PTPRD: variants seen among roughly 807,000 people sequenced by gnomAD.
PTPRD encodes protein tyrosine phosphatase receptor type D, also known as receptor-type tyrosine-protein phosphatase delta.
In PTPRD, 34 loss-of-function variants were observed where a neutral mutation model predicts 214.5. That is an observed-to-expected ratio of 0.16 (90% CI 0.12 to 0.21). The LOEUF is 0.21. PTPRD is among the 10% of genes least tolerant of loss of function. The pLI is 1.00. For synonymous variants in PTPRD, 1,128 were observed against 845.7 expected, an observed-to-expected ratio of 1.33 and a Z score of -5.79; for missense variants, 2,545 against 2,398.7, an observed-to-expected ratio of 1.06 and a Z score of -1.27.
rs1256217482 is a variant in PTPRD, at chr9:8,408,701, A to G, written c.4087-4041T>C. Among the ~76,000 whole-genome samples, 4 of 152,128 alleles carry G rather than the reference A, an allele frequency of 2.6e-5. No individual in the cohort carries two copies. In the East Asian group the frequency reaches 7.7e-4, roughly 29 times the overall value. ...TTGGATGAACCCCATATAGCGTCTA[A>G]AGTTTTACCAAGATGCCGCACCATT... On this transcript the variant is annotated intron_variant, in intron 35 of 45. Coordinates refer to ENST00000381196, the MANE Select transcript of PTPRD (RefSeq NM_002839.4).
In PTPRD at chr9:10,534,104, A is replaced by T. The variant is rs574745049; in HGVS notation, c.-600+78294T>A. Among the ~76,000 whole-genome samples, 6 of 152,030 alleles carry T rather than the reference A, an allele frequency of 3.9e-5. No individual in the cohort carries two copies. In the South Asian group the frequency reaches 1.2e-3, roughly 32 times the overall value. Reference sequence around the variant, plus strand: ...TAAGAAGAGTTCTAAAAAATATTTCATTAAGGGAAACCCTTACTATCATTG... The same window carrying T: ...TAAGAAGAGTTCTAAAAAATATTTCTTTAAGGGAAACCCTTACTATCATTG... On this transcript the variant is annotated intron_variant, in intron 2 of 45. Transcript: ENST00000381196.
intron 7 of PTPRD, among the ~76,000 whole-genome samples, chr9:9,727,563 T>C (rs2098117147): frequency 6.6e-6 from 1 of 152,204 alleles, no homozygotes; most frequent in Admixed American, 6.5e-5. Context: ...GTGATCACTC[T>C]TCCATGTAGT....
intron 11 of PTPRD, among the ~76,000 whole-genome samples, chr9:8,941,629 T>C (rs1332155045): frequency 6.6e-6 from 1 of 152,118 alleles, no homozygotes; most frequent in African/African-American, 2.4e-5. Flanking sequence ...ACTACATCCA[T>C]GAAAAATAAA....
chr9:9,004,543 T>G (rs1740537788), intron 11 of PTPRD, among the ~76,000 whole-genome samples: 1 of 152,056 alleles, frequency 6.6e-6, no homozygotes, highest in African/African-American at 2.4e-5. Flanking sequence ...GCATCCCATT[T>G]AATTCTTCCC....
At chr9:9,275,913 G>A (rs1170642361) in intron 9 of PTPRD, among the ~76,000 whole-genome samples, 1 of 151,088 alleles carries the variant, frequency 6.6e-6, no homozygotes, top group Non-Finnish European at 1.5e-5. Context: ...AGGCCGTGAA[G>A]GAGATTGAGC....
At chr9:8,977,488 C>T (rs139884416) in intron 11 of PTPRD, among the ~76,000 whole-genome samples, 32 of 152,166 alleles carry the variant, frequency 2.1e-4, no homozygotes, top group Admixed American at 1.1e-3. Context: ...CATAAGGGCT[C>T]TATGTGCTGT....
intron 8 of PTPRD, among the ~76,000 whole-genome samples, chr9:9,401,332 C>G (rs1349485122): frequency 6.6e-6 from 1 of 151,904 alleles, no homozygotes. Context: ...TCAGAGAAAT[C>G]CCCCTCTTTT....
chr9:9,691,031 T>G (rs78656465), intron 7 of PTPRD, among the ~76,000 whole-genome samples: 195 of 152,006 alleles, frequency 1.3e-3, no homozygotes, highest in African/African-American at 4.6e-3. Context: ...GGGTACATAA[T>G]AGGTGTATAT....
intron 5 of PTPRD, among the ~76,000 whole-genome samples, chr9:9,784,578 A>G (rs147515332): frequency 6.6e-6 from 1 of 152,148 alleles, no homozygotes; most frequent in African/African-American, 2.4e-5. Flanking sequence ...CCATTAAGCC[A>G]TCAAGGTACA....
chr9:8,368,963 T>C (rs1269096995), intron 39 of PTPRD, among the ~76,000 whole-genome samples: 1 of 152,120 alleles, frequency 6.6e-6, no homozygotes, highest in Non-Finnish European at 1.5e-5. Context: ...TATCGAGATG[T>C]TGGCATTTTT....
At chr9:10,167,543 C>A (rs2099166823) in intron 3 of PTPRD, among the ~76,000 whole-genome samples, 1 of 152,110 alleles carries the variant, frequency 6.6e-6, no homozygotes, top group South Asian at 2.1e-4. Flanking sequence ...ATACTCTTTT[C>A]TGAACTGTAA....
intron 8 of PTPRD, among the ~76,000 whole-genome samples, chr9:9,472,244 C>T (rs1272483876): frequency 2.1e-5 from 3 of 140,758 alleles, no homozygotes; most frequent in Non-Finnish European, 4.6e-5. Flanking sequence ...TCGCCCAGGC[C>T]GGACTGCGGA....
chr9:8,940,903 A>AT (rs1027247447), intron 11 of PTPRD, among the ~76,000 whole-genome samples: 2 of 152,014 alleles, frequency 1.3e-5, no homozygotes, highest in African/African-American at 4.8e-5. Flanking sequence ...TTATGCCTAG[A>AT]TTTTTCATGC....
At chr9:9,367,737 T>C (rs1248338473) in intron 9 of PTPRD, among the ~76,000 whole-genome samples, 1 of 151,718 alleles carries the variant, frequency 6.6e-6, no homozygotes, top group Non-Finnish European at 1.5e-5. Context: ...GTGGAGAGGC[T>C]ATCACAGGCT....
At chr9:8,793,910 G>C (rs1011975145) in intron 11 of PTPRD, among the ~76,000 whole-genome samples, 1 of 152,210 alleles carries the variant, frequency 6.6e-6, no homozygotes, top group Non-Finnish European at 1.5e-5. Flanking sequence ...ATCAGAGGAA[G>C]AGGTCTGGCT....
chr9:9,924,629 C>A (rs548970130), intron 5 of PTPRD, among the ~76,000 whole-genome samples: 1 of 152,164 alleles, frequency 6.6e-6, no homozygotes, highest in South Asian at 2.1e-4. Context: ...TTAAAAGAAA[C>A]ATGGTCCTGT....
intron 12 of PTPRD, among the ~76,000 whole-genome samples, chr9:8,706,759 C>T (rs2098218903): frequency 6.6e-6 from 1 of 152,194 alleles, no homozygotes; most frequent in African/African-American, 2.4e-5. Context: ...TCAGGGTTGT[C>T]TTCATAATGC....
chr9:8,775,419 C>G (rs959648630), intron 11 of PTPRD, among the ~76,000 whole-genome samples: 23 of 152,042 alleles, frequency 1.5e-4, no homozygotes, highest in African/African-American at 5.1e-4. Flanking sequence ...ACTTTGAACT[C>G]TCTGCATAAT....
chr9:9,631,045 ATT>A (rs2095573900), intron 7 of PTPRD, among the ~76,000 whole-genome samples: 1 of 152,152 alleles, frequency 6.6e-6, no homozygotes, highest in Admixed American at 6.6e-5. Flanking sequence ...TGACTCTGTC[ATT>A]TAAAAACAAT....
Sources: allele counts gnomAD v4.1 joint callset (sites outside exome capture counted in the v4.1 genomes callset), GRCh38; gene constraint gnomAD v4.1.1; transcripts MANE v1.5; gene names NCBI Gene and HGNC (gene_info 2026-07-23, HGNC 2026-07-21).